BEAN1: variants seen among roughly 807,000 people sequenced by gnomAD.
BEAN1 encodes the protein brain expressed associated with NEDD4 1, also known as protein BEAN1.
Under a neutral mutation model 17.7 loss-of-function variants are expected in BEAN1, and 17 were observed. The observed-to-expected ratio is 0.96, with a 90% CI of 0.66 to 1.44. The LOEUF (loss-of-function observed/expected upper bound fraction) is 1.44, where lower values mean the gene tolerates loss of function less well. Among genes scored for constraint, BEAN1 ranks in the 40% most tolerant of loss-of-function variants. The pLI, the probability that BEAN1 is intolerant of heterozygous loss-of-function variation, is 0.00. For missense variants in BEAN1, 359 were observed against 374.1 expected, an observed-to-expected ratio of 0.96 and a Z score of 0.33; for synonymous variants, 142 against 151.8, an observed-to-expected ratio of 0.94 and a Z score of 0.47.
intron 2 of BEAN1, among the ~76,000 whole-genome samples, chr16:66,445,424 C>T (rs913538194): frequency 4.7e-5 from 6 of 127,806 alleles, no homozygotes; most frequent in African/African-American, 1.8e-4. Context: ...TGCAATGAGC[C>T]GAGATCACAC....
At chr16:66,433,020 G>A (rs1479440164) in intron 1 of BEAN1, among the ~76,000 whole-genome samples, 1 of 152,214 alleles carries the variant, frequency 6.6e-6, no homozygotes, top group African/African-American at 2.4e-5. Flanking sequence ...TAGTCAGAAA[G>A]GGACTGTCAA....
intron 4 of BEAN1, among the ~76,000 whole-genome samples, chr16:66,489,653 C>T (rs920513365): frequency 4.6e-5 from 7 of 152,050 alleles, no homozygotes; most frequent in African/African-American, 1.7e-4. Flanking sequence ...TACAGAAAGG[C>T]AGATTTATTA....
chr16:66,480,882 C>T lies in BEAN1; in HGVS notation c.737C>T (p.Thr246Ile). The T allele has an allele frequency of 2.0e-6, 3 of 1,471,734 alleles. No individual in the cohort carries two copies. The highest frequency in any genetic ancestry group is 1.4e-5 in the South Asian group (1 of 72,420). 91.2% of individuals were successfully genotyped at this position (1,471,734 alleles called of 1,614,324 possible). ...CCAAGGGGCTCCCAGGGCTCACCCACCCCAACCCGGGCCCCAGCCTCTGGC... is the reference window on the plus strand; with the variant it reads ...CCAAGGGGCTCCCAGGGCTCACCCATCCCAACCCGGGCCCCAGCCTCTGGC... ...PGPRGSQGSP[T>I]PTRAPASGPE... is the part of the protein sequence containing the mutation. The change falls in exon 5 of 5, where the codon ACC (threonine) becomes ATC (isoleucine). Residue 246 changes from threonine to isoleucine, a missense_variant. Coordinates refer to ENST00000536005, the MANE Select transcript of BEAN1 (RefSeq NM_001178020.3).
chr16:66,445,633 AG>A (rs1387361890), intron 2 of BEAN1, among the ~76,000 whole-genome samples: 3 of 152,072 alleles, frequency 2.0e-5, no homozygotes, highest in Admixed American at 6.6e-5. Flanking sequence ...GTCCAGGCAG[AG>A]GATTCTGAAT....
intron 2 of BEAN1, among the ~76,000 whole-genome samples, chr16:66,444,309 C>T (rs1020743732): frequency 2.6e-5 from 4 of 152,212 alleles, no homozygotes; most frequent in Non-Finnish European, 5.9e-5. Context: ...AGGTCTCAAG[C>T]CCCTCCTTCC....
downstream of BEAN1, chr16:66,483,326 G>C (rs1964038004): frequency 6.3e-6 from 1 of 158,022 alleles, no homozygotes; most frequent in African/African-American, 2.4e-5. Flanking sequence ...TAACCTCACT[G>C]AAACTTGGCA....
rs1405315769 is a variant in BEAN1, at chr16:66,469,856, CA to C, written c.281del (p.His94ProfsTer78). On this transcript the variant is annotated frameshift_variant, in exon 3 of 5. Transcript: ENST00000536005. LOFTEE classifies it high-confidence loss of function. ...HRRRRHREYEHGYVSDEHTYS... is the reference protein window; with the variant it reads ...HRRRRHREYEXGYVSDEHTYS... ...CCGGCGTCGACACCGAGAGTACGAG[CA>C]CGGCTACGGTGAGCCGCCGCCCACC... 1 of 1,534,366 alleles carries C rather than the reference CA, an allele frequency of 6.5e-7. No individual in the cohort carries two copies. Among genetic ancestry groups the C allele is most frequent in the African/African-American group, 1.4e-5 (1 of 72,926 alleles).
intron 1 of BEAN1, among the ~76,000 whole-genome samples, chr16:66,428,981 G>T (rs977106975): frequency 6.6e-6 from 1 of 152,188 alleles, no homozygotes; most frequent in Non-Finnish European, 1.5e-5. Context: ...GCATCTGACT[G>T]TAAGGTGCAC....
intron 2 of BEAN1, among the ~76,000 whole-genome samples, chr16:66,468,546 C>A (rs1477369079): frequency 6.6e-6 from 1 of 152,216 alleles, no homozygotes; most frequent in Non-Finnish European, 1.5e-5. Context: ...AGAGCAAGCA[C>A]TGGACTTTGA....
intron 1 of BEAN1, among the ~76,000 whole-genome samples, chr16:66,430,092 G>C (rs892237140): frequency 6.6e-6 from 1 of 152,176 alleles, no homozygotes; most frequent in Non-Finnish European, 1.5e-5. Context: ...GACCGCCTGG[G>C]TTTATAGCAT....
chr16:66,456,006 A>T (rs1460113988), intron 2 of BEAN1, among the ~76,000 whole-genome samples: 1 of 152,226 alleles, frequency 6.6e-6, no homozygotes, highest in East Asian at 1.9e-4. Context: ...CTACTTCTTA[A>T]GCTAGTCCCC....
At chr16:66,432,705 C>T (rs1223478717) in intron 1 of BEAN1, among the ~76,000 whole-genome samples, 1 of 152,184 alleles carries the variant, frequency 6.6e-6, no homozygotes, top group African/African-American at 2.4e-5. Context: ...AGGGAATCAC[C>T]TTACACTCCT....
rs556004945 is a variant in BEAN1 at position 66,469,294 on chromosome 16, C to A, written c.26-308C>A. Among the ~76,000 whole-genome samples, 42 of 152,338 alleles carry A rather than the reference C, an allele frequency of 2.8e-4. No homozygotes were observed. The Middle Eastern group carries it at 0.01, about 37-fold the overall frequency. On this transcript the variant is annotated intron_variant, in intron 2 of 4. Transcript: ENST00000536005. ...GCTCTACCACTAATTTGCTGGGTAACCTTGGGCAAGTCCACTGCCCTCTCT... is the reference window on the plus strand; with the variant it reads ...GCTCTACCACTAATTTGCTGGGTAAACTTGGGCAAGTCCACTGCCCTCTCT...
intron 4 of BEAN1, chr16:66,479,160 G>C (rs560855710): frequency 6.6e-6 from 1 of 150,910 alleles, no homozygotes; most frequent in Non-Finnish European, 1.5e-5. Flanking sequence ...TGGGTATCTG[G>C]GGATGTGGCT....
chr16:66,489,120 C>T (rs1171063197), intron 4 of BEAN1, among the ~76,000 whole-genome samples: 1 of 151,268 alleles, frequency 6.6e-6, no homozygotes, highest in Non-Finnish European at 1.5e-5. Context: ...AGCAGTGAGC[C>T]GAGACTGCAC....
intron 2 of BEAN1, among the ~76,000 whole-genome samples, chr16:66,454,784 T>C (rs949355356): frequency 3.3e-5 from 5 of 151,588 alleles, no homozygotes; most frequent in Non-Finnish European, 7.4e-5. Context: ...GTTATTTTTA[T>C]TTTTTCCTGA....
intron 2 of BEAN1, among the ~76,000 whole-genome samples, chr16:66,455,356 C>T (rs1446174965): frequency 1.3e-5 from 2 of 152,202 alleles, no homozygotes; most frequent in African/African-American, 4.8e-5. Context: ...TAAGTTGGCT[C>T]ATTCTCCCAA....
At chr16:66,446,994 C>G (rs753270969) in intron 2 of BEAN1, among the ~76,000 whole-genome samples, 3 of 152,142 alleles carry the variant, frequency 2.0e-5, no homozygotes, top group Admixed American at 6.5e-5. Context: ...ACCCAGCCAG[C>G]TGTGGTGGCT....
intron 3 of BEAN1, among the ~76,000 whole-genome samples, chr16:66,474,557 A>AGAGGGAGGGAGGGAGGGAGAGAGGGAGG (rs1204256694): frequency 1.3e-5 from 1 of 75,928 alleles, no homozygotes; most frequent in African/African-American, 5.7e-5. Context: ...AGGGAGGGAG[A>AGAGGGAGGGAGGGAGGGAGAGAGGGAGG]GAGGGAGGGA....
Sources: gnomAD v4.1 joint callset for allele counts (sites outside exome capture counted in the v4.1 genomes callset) on GRCh38, gnomAD v4.1.1 for gene constraint, MANE v1.5 for transcripts, NCBI Gene and HGNC (gene_info 2026-07-23, HGNC 2026-07-21) for gene names.